DOCK4: variants seen among roughly 807,000 people sequenced by gnomAD.
DOCK4 encodes the protein dedicator of cytokinesis 4, also known as dedicator of cytokinesis protein 4.
In DOCK4, 97 loss-of-function variants were observed where a neutral mutation model predicts 268.1. That is an observed-to-expected ratio of 0.36 (90% CI 0.31 to 0.43). The LOEUF (loss-of-function observed/expected upper bound fraction) is 0.43, where lower values mean the gene tolerates loss of function less well. Ranked by LOEUF, DOCK4 falls within the 20% of genes least tolerant of loss-of-function variation. DOCK4 has a pLI of 1.00. For synonymous variants in DOCK4, 954 were observed against 887.2 expected, an observed-to-expected ratio of 1.08 and a Z score of -1.34; for missense variants, 2,145 against 2,455.7, an observed-to-expected ratio of 0.87 and a Z score of 2.67.
chr7:111,993,448 C>G (rs1799691685), intron 5 of DOCK4, among the ~76,000 whole-genome samples: 1 of 152,170 alleles, frequency 6.6e-6, no homozygotes, highest in Non-Finnish European at 1.5e-5. Context: ...AGAACCCCAG[C>G]TCAGCCATTT....
At chr7:111,786,620 A>G (rs1287553583) in intron 32 of DOCK4, among the ~76,000 whole-genome samples, 2 of 152,212 alleles carry the variant, frequency 1.3e-5, no homozygotes, top group Non-Finnish European at 2.9e-5. Flanking sequence ...AAGCACTACA[A>G]TTTAGGAAGC....
chr7:111,870,256 C>A (rs1806301612), intron 20 of DOCK4, among the ~76,000 whole-genome samples: 1 of 151,822 alleles, frequency 6.6e-6, no homozygotes, highest in South Asian at 2.1e-4. Flanking sequence ...GCCCACAACT[C>A]TCAAGATGAC....
intron 1 of DOCK4, among the ~76,000 whole-genome samples, chr7:112,022,185 ATCAC>A (rs1457210557): frequency 6.6e-6 from 1 of 152,150 alleles, no homozygotes; most frequent in African/African-American, 2.4e-5. Context: ...GCGCGGTATA[ATCAC>A]TCACTCAATG....
intron 42 of DOCK4, among the ~76,000 whole-genome samples, chr7:111,750,966 T>C (rs1255196363): frequency 2.0e-5 from 3 of 152,144 alleles, no homozygotes; most frequent in Non-Finnish European, 4.4e-5. Flanking sequence ...CTCAGGGTAA[T>C]CAAATATTTA....
chr7:112,139,296 C>A lies in DOCK4; in HGVS notation c.37+66806G>T, dbSNP rs188602813. Among the ~76,000 whole-genome samples, 48 of 152,152 alleles carry A rather than the reference C, an allele frequency of 3.2e-4. No individual in the cohort carries two copies. In the East Asian group the frequency reaches 8.7e-3, roughly 28 times the overall value. ...CAAGTAGCAATCACAAAAAATACCCCCAAAAAGGGCTGAGTCTTTCGAACA... is the reference window on the plus strand; with the variant it reads ...CAAGTAGCAATCACAAAAAATACCCACAAAAAGGGCTGAGTCTTTCGAACA... On this transcript the variant is annotated intron_variant, in intron 1 of 52. Coordinates refer to ENST00000428084, the MANE Select transcript of DOCK4 (RefSeq NM_001363540.2).
At chr7:112,200,734 A>AG (rs1554478917) in intron 1 of DOCK4, among the ~76,000 whole-genome samples, 1 of 117,744 alleles carries the variant, frequency 8.5e-6, no homozygotes, top group African/African-American at 4.0e-5. Context: ...ATAAAAAAAA[A>AG]AAAACAAAAA....
intron 25 of DOCK4, among the ~76,000 whole-genome samples, chr7:111,837,992 A>C (rs1563572211): frequency 6.7e-6 from 1 of 149,662 alleles, no homozygotes; most frequent in South Asian, 2.2e-4. Context: ...AGGCTGAGGC[A>C]GGAGAATTGC....
Position 111,769,586 on chromosome 7 carries a change from T to C in DOCK4, c.3771A>G (p.Glu1257=), listed in dbSNP as rs778072262. ...REFLTYPMQT[E]WQRKEHLHLT... The stretch of plus-strand genomic sequence containing the variant: ...GGTGCAGGTGCTCTTTGCGCTGCCA[T>C]TCTGTTTGCATGGGGTAGGTCAGGA... The change falls in exon 37 of 53, where the codon GAA becomes GAG. Residue 1257 remains glutamate (E), a synonymous_variant. Transcript: ENST00000428084. 1.9e-6 allele frequency: 3 copies of C among 1,613,766 alleles called. No individual in the cohort carries two copies. In the Admixed American group the frequency reaches 5.0e-5, roughly 27 times the overall value.
chr7:111,795,382 C>A (rs1432062626), intron 30 of DOCK4, among the ~76,000 whole-genome samples: 1 of 152,162 alleles, frequency 6.6e-6, no homozygotes, highest in African/African-American at 2.4e-5. Flanking sequence ...CCAGCAGGAA[C>A]AATCTGTGGC....
At chr7:111,764,634 G>C (rs1797657464) in intron 39 of DOCK4, among the ~76,000 whole-genome samples, 1 of 152,088 alleles carries the variant, frequency 6.6e-6, no homozygotes, top group South Asian at 2.1e-4. Flanking sequence ...TAGAAATGGA[G>C]TTTATACTAG....
chr7:111,859,072 G>A (rs1268365716), intron 23 of DOCK4, among the ~76,000 whole-genome samples: 1 of 152,152 alleles, frequency 6.6e-6, no homozygotes, highest in East Asian at 1.9e-4. Flanking sequence ...AGGTGGGAGT[G>A]CAGTGGTGCG....
chr7:111,863,988 C>T (rs1805767290), intron 22 of DOCK4, among the ~76,000 whole-genome samples: 1 of 152,124 alleles, frequency 6.6e-6, no homozygotes, highest in African/African-American at 2.4e-5. Flanking sequence ...TTAATTCCTC[C>T]AAAGCACTCC....
At chr7:111,981,360 T>C (rs985201978) in intron 7 of DOCK4, among the ~76,000 whole-genome samples, 5 of 152,146 alleles carry the variant, frequency 3.3e-5, no homozygotes, top group African/African-American at 7.2e-5. Flanking sequence ...AATCTTATTA[T>C]TGCTAGGCCA....
chr7:112,150,208 C>T (rs1815926830), intron 1 of DOCK4, among the ~76,000 whole-genome samples: 1 of 152,134 alleles, frequency 6.6e-6, no homozygotes, highest in African/African-American at 2.4e-5. Flanking sequence ...GACCCCAACT[C>T]TACCTTTCTA....
chr7:112,155,507 A>C (rs1816533155), intron 1 of DOCK4, among the ~76,000 whole-genome samples: 1 of 152,254 alleles, frequency 6.6e-6, no homozygotes, highest in Non-Finnish European at 1.5e-5. Context: ...TCATGTAAAG[A>C]AACAGAAATC....
At chr7:112,127,520 C>G (rs916925279) in intron 1 of DOCK4, among the ~76,000 whole-genome samples, 15 of 151,330 alleles carry the variant, frequency 9.9e-5, no homozygotes, top group Non-Finnish European at 1.6e-4. Context: ...TGTAACTAAC[C>G]TGCACATTGT....
intron 1 of DOCK4, among the ~76,000 whole-genome samples, chr7:112,026,125 C>T (rs1802764526): frequency 6.6e-6 from 1 of 152,246 alleles, no homozygotes; most frequent in South Asian, 2.1e-4. Context: ...CACACCTGTG[C>T]CCTACAACAG....
At chr7:111,974,491 G>GGTGTGTGTGT (rs1562952095) in intron 8 of DOCK4, among the ~76,000 whole-genome samples, 2 of 90,442 alleles carry the variant, frequency 2.2e-5, no homozygotes, top group South Asian at 4.4e-4. Context: ...ATTGAAGAGG[G>GGTGTGTGTGT]ATGTGTGTGT....
At chr7:111,790,681 G>T in intron 30 of DOCK4, 76 bp from the exon 31 acceptor site, 1 of 1,414,786 alleles carries the variant, frequency 7.1e-7, no homozygotes. Flanking sequence ...CATAAAATTT[G>T]TTTAAAACTA....
Sources: allele counts gnomAD v4.1 joint callset (sites outside exome capture counted in the v4.1 genomes callset), GRCh38; gene constraint gnomAD v4.1.1; transcripts MANE v1.5; gene names NCBI Gene and HGNC (gene_info 2026-07-23, HGNC 2026-07-21).